JHY: variants seen among roughly 807,000 people sequenced by gnomAD.
The protein encoded by JHY is jhy protein homolog.
JHY carries 69 observed loss-of-function variants against 78.0 expected under a neutral mutation model. The ratio of observed to expected loss-of-function variants is 0.88; its 90% CI spans 0.73 to 1.08. JHY has a LOEUF of 1.08. JHY is among the 50% of genes least tolerant of loss of function. The pLI is 0.00. For missense variants in JHY, 944 were observed against 927.8 expected, an observed-to-expected ratio of 1.02 and a Z score of -0.23; for synonymous variants, 368 against 342.6, an observed-to-expected ratio of 1.07 and a Z score of -0.82.
rs768807307 is a variant in JHY at position 122,956,445 on chromosome 11, G to T, written c.1930-51G>T. 8.5e-6 allele frequency: 13 copies of T among 1,538,152 alleles called. No individual in the cohort carries two copies. The African/African-American group carries it at 1.8e-4, about 21-fold the overall frequency. ...GACACCTTACAGGGTGTTAGGAGTCGGGGGACACACAAGTCCTTAAAAGAA... is the reference window on the plus strand; with the variant it reads ...GACACCTTACAGGGTGTTAGGAGTCTGGGGACACACAAGTCCTTAAAAGAA... On this transcript the variant is annotated intron_variant, in intron 6 of 8. Coordinates refer to ENST00000227349, the MANE Select transcript of JHY (RefSeq NM_024806.4).
intron 3 of JHY, among the ~76,000 whole-genome samples, chr11:122,922,490 T>C (rs886074850): frequency 6.6e-6 from 1 of 152,194 alleles, no homozygotes; most frequent in Admixed American, 6.5e-5. Flanking sequence ...CTCTTTCTTA[T>C]TGAATACAAG....
chr11:122,943,146 A>T (rs753515031), intron 5 of JHY, among the ~76,000 whole-genome samples: 2 of 152,232 alleles, frequency 1.3e-5, no homozygotes, highest in African/African-American at 2.4e-5. Flanking sequence ...AGCTGCTGGG[A>T]TTACAGGCAC....
At chr11:122,919,975 A>G (rs1863326839) in intron 3 of JHY, among the ~76,000 whole-genome samples, 1 of 152,266 alleles carries the variant, frequency 6.6e-6, no homozygotes. Context: ...AAACAGCTGA[A>G]TAATACAAAC....
At chr11:122,922,051 T>G (rs1034992480) in intron 3 of JHY, among the ~76,000 whole-genome samples, 1 of 152,214 alleles carries the variant, frequency 6.6e-6, no homozygotes, top group African/African-American at 2.4e-5. Flanking sequence ...ACAAGTTGAA[T>G]TGTTTCATGA....
In JHY at chr11:122,933,535, T is replaced by G. The variant is rs182051972; in HGVS notation, c.979-885T>G. ...AGTACATTTTGTTGTTAGGAGACTT[T>G]GAAAAGCATAAAGACTGTTGTGAAA... On this transcript the variant is annotated intron_variant, in intron 4 of 8. Coordinates refer to ENST00000227349, the MANE Select transcript of JHY (RefSeq NM_024806.4). Among the ~76,000 whole-genome samples the G allele has an allele frequency of 1.4e-3, 207 of 152,360 alleles. 1 individual carries two copies. The highest frequency in any genetic ancestry group is 3.4e-3 in the Middle Eastern group (1 of 294).
In JHY at chr11:122,910,368, G is replaced by A. The variant is rs914216130; in HGVS notation, c.864+5924G>A. Among the ~76,000 whole-genome samples, 8 of 151,882 alleles carry A rather than the reference G, an allele frequency of 5.3e-5. No individual in the cohort carries two copies. The East Asian group carries it at 1.4e-3, about 26-fold the overall frequency. ...CGGGTGCCTCTAATCCCAGCTACTC[G>A]GGAAGCCCATGAGAATTGTCTGAGC... On this transcript the variant is annotated intron_variant, in intron 3 of 8. Transcript: ENST00000227349.
rs756181984 is a variant in JHY, at chr11:122,957,392, T to C, written c.2040T>C (p.Tyr680=). The change falls in exon 8 of 9, where the codon TAT becomes TAC. Residue 680 remains tyrosine (Y), a synonymous_variant. Coordinates refer to ENST00000227349, the MANE Select transcript of JHY (RefSeq NM_024806.4). ...KTQKLIQQKE[Y]AKQVKEYNMK... is the part of the protein sequence containing the mutation. The stretch of plus-strand genomic sequence containing the variant: ...AAAAATTAATACAGCAAAAGGAATA[T>C]GCAAAACAAGTCAAGGAGTACAACA... The C allele has an allele frequency of 2.0e-6, 3 of 1,534,620 alleles. No individual in the cohort carries two copies. The highest frequency in any genetic ancestry group is 2.5e-5 in the Admixed American group (1 of 39,320).
At chr11:122,955,487 G>A (rs530446907) in intron 6 of JHY, among the ~76,000 whole-genome samples, 1 of 152,148 alleles carries the variant, frequency 6.6e-6, no homozygotes, top group African/African-American at 2.4e-5. Context: ...GAGACAGATA[G>A]GCAGTAGAAT....
intron 2 of JHY, among the ~76,000 whole-genome samples, chr11:122,897,610 C>T (rs1862764657): frequency 6.6e-6 from 1 of 152,218 alleles, no homozygotes; most frequent in Non-Finnish European, 1.5e-5. Context: ...TTCACATAAT[C>T]TGGTGGCACC....
At chr11:122,894,329 A>G (rs759708652) in intron 2 of JHY, among the ~76,000 whole-genome samples, 4 of 151,980 alleles carry the variant, frequency 2.6e-5, no homozygotes, top group South Asian at 4.2e-4. Flanking sequence ...AAAAAAAAGC[A>G]AACAAAAACA....
Position 122,935,077 on chromosome 11 carries a change from T to C in JHY, c.1634+2T>C. On this transcript the variant is annotated splice_donor_variant, in intron 5 of 8. Transcript: ENST00000227349. LOFTEE classifies it high-confidence loss of function. This position sits in a 1 kb window ranked among gnomAD's most constrained non-coding sequence, Gnocchi z 4.5. ...ATACAGGAACTTAGAAATGTTATGG[T>C]AAGAATTCCCTTTTCTCAAGTGGTT... The C allele has an allele frequency of 1.3e-6, 2 of 1,558,012 alleles. No individual in the cohort carries two copies. The highest frequency in any genetic ancestry group is 1.7e-6 in the Non-Finnish European group (2 of 1,156,066).
intron 2 of JHY, among the ~76,000 whole-genome samples, chr11:122,888,538 G>GTT (rs58273141): frequency 6.9e-6 from 1 of 145,836 alleles, no homozygotes. Flanking sequence ...TACTGATGCT[G>GTT]TTTTTTTTTT....
At chr11:122,904,573 C>T in intron 3 of JHY, 129 bp downstream of exon 3, 2 of 1,034,456 alleles carry the variant, frequency 1.9e-6, no homozygotes, top group South Asian at 1.6e-5. Flanking sequence ...GTAAAACAAA[C>T]GCTTCCATAG....
At chr11:122,942,106 TG>T (rs1182400384) in intron 5 of JHY, among the ~76,000 whole-genome samples, 1 of 151,930 alleles carries the variant, frequency 6.6e-6, no homozygotes, top group East Asian at 1.9e-4. Flanking sequence ...TCCTGACCTC[TG>T]GTGATCCACC....
intron 2 of JHY, among the ~76,000 whole-genome samples, chr11:122,900,306 A>T (rs1344990213): frequency 1.3e-5 from 2 of 152,198 alleles, no homozygotes; most frequent in African/African-American, 2.4e-5. Context: ...AGAAAAGTAA[A>T]TTAACATTAG....
At chr11:122,905,471 A>G (rs1862968771) in intron 3 of JHY, 4 of 1,298,452 alleles carry the variant, frequency 3.1e-6, no homozygotes, top group African/African-American at 1.5e-5. Flanking sequence ...TTTTTTTAAC[A>G]TATTCTAACC....
chr11:122,961,856 C>G lies in JHY; in HGVS notation c.*2411C>G, dbSNP rs1476219683. ...TGTGCCTGCTCAGATAGAACAAATC[C>G]TAATGTTGTTCTAACAGAGCATCAA... is the stretch of plus-strand genomic sequence containing the variant. On this transcript the variant is annotated 3_prime_UTR_variant, in exon 9 of 9. Transcript: ENST00000227349. Among the ~76,000 whole-genome samples the G allele has an allele frequency of 6.6e-6, 1 of 152,092 alleles. No homozygotes were observed. The highest frequency in any genetic ancestry group is 1.5e-5 in the Non-Finnish European group (1 of 67,996).
In JHY at chr11:122,897,336, G is replaced by T. The variant is rs186334154; in HGVS notation, c.345-6589G>T. Among the ~76,000 whole-genome samples the T allele has an allele frequency of 4.6e-5, 7 of 152,170 alleles. No individual in the cohort carries two copies. In the East Asian group the frequency reaches 1.4e-3, roughly 29 times the overall value. On this transcript the variant is annotated intron_variant, in intron 2 of 8. Transcript: ENST00000227349. Reference sequence around the variant, plus strand: ...ACCTCCTGGGCTAAGCCATCCTCCTGCCCCAGCCTCCTGAGTAGCTGGGAC... The same window carrying T: ...ACCTCCTGGGCTAAGCCATCCTCCTTCCCCAGCCTCCTGAGTAGCTGGGAC...
intron 3 of JHY, among the ~76,000 whole-genome samples, chr11:122,915,459 G>A (rs925133158): frequency 6.6e-6 from 1 of 152,086 alleles, no homozygotes; most frequent in Non-Finnish European, 1.5e-5. Flanking sequence ...TCACACAAGA[G>A]GCAATCATGG....
Sources: gnomAD v4.1 joint callset for allele counts (sites outside exome capture counted in the v4.1 genomes callset) on GRCh38, gnomAD v4.1.1 for gene constraint, Gnocchi (gnomAD v3.1) non-coding constraint, MANE v1.5 for transcripts, NCBI Gene and HGNC (gene_info 2026-07-23, HGNC 2026-07-21) for gene names.